Variants in ROBO1 observed in about 807,000 individuals in gnomAD.
ROBO1 encodes the protein roundabout guidance receptor 1.
In ROBO1, 149 loss-of-function variants were observed where a neutral mutation model predicts 195.9. The observed-to-expected ratio is 0.76, with a 90% CI of 0.67 to 0.87. The LOEUF is 0.87. ROBO1 is among the 40% of genes least tolerant of loss of function. The pLI is 0.00. For missense variants in ROBO1, 1,933 were observed against 2,068.3 expected (o/e 0.93, Z 1.27); for synonymous variants, 816 against 733.2 (o/e 1.11, Z -1.82).
intron 2 of ROBO1, among the ~76,000 whole-genome samples, chr3:79,162,025 C>A (rs987893757): frequency 2.6e-5 from 4 of 152,130 alleles, no homozygotes; most frequent in South Asian, 4.1e-4. Context: ...TGAGTAATTT[C>A]TTTCCTTCCT....
At chr3:79,487,243 G>A (rs1163349072) in intron 2 of ROBO1, among the ~76,000 whole-genome samples, 5 of 58,586 alleles carry the variant, frequency 8.5e-5, no homozygotes, top group Admixed American at 1.7e-4. Context: ...TTGTTATAGA[G>A]GTCCCACCTG....
intron 4 of ROBO1, among the ~76,000 whole-genome samples, chr3:78,918,544 C>T (rs1218271884): frequency 6.6e-6 from 1 of 152,130 alleles, no homozygotes; most frequent in Non-Finnish European, 1.5e-5. Context: ...TTACAGCAAT[C>T]TTTCCTAACT....
chr3:78,877,330 T>G (rs544874561), intron 4 of ROBO1, among the ~76,000 whole-genome samples: 1 of 151,934 alleles, frequency 6.6e-6, no homozygotes, highest in Admixed American at 6.6e-5. Flanking sequence ...AACATTTCCA[T>G]GTGAAAGAGA....
At chr3:79,422,964 A>G (rs1217687782) in intron 2 of ROBO1, among the ~76,000 whole-genome samples, 1 of 147,036 alleles carries the variant, frequency 6.8e-6, no homozygotes, top group Admixed American at 7.0e-5. Flanking sequence ...ATACAACCTT[A>G]TTTAGTATAT....
rs546544870 is a variant in ROBO1, at chr3:79,641,318, C to G, written c.-50-51357G>C. On this transcript the variant is annotated intron_variant, in intron 1 of 30. Transcript: ENST00000464233. ...TATCACTTTCATTATTAAATCATTG[C>G]TGATCAACCTTCCCTACACAACTCT... Among the ~76,000 whole-genome samples, 14 of 151,458 alleles carry G rather than the reference C, an allele frequency of 9.2e-5. No individual in the cohort carries two copies. In the South Asian group the frequency reaches 2.7e-3, roughly 30 times the overall value.
chr3:79,663,367 A>T (rs773162612), intron 1 of ROBO1, among the ~76,000 whole-genome samples: 19 of 152,076 alleles, frequency 1.2e-4, no homozygotes, highest in African/African-American at 4.1e-4. Flanking sequence ...ATTCTTTATT[A>T]ATATCAACAT....
chr3:79,539,368 C>A (rs1174611554), intron 2 of ROBO1, among the ~76,000 whole-genome samples: 1 of 152,058 alleles, frequency 6.6e-6, no homozygotes, highest in African/African-American at 2.4e-5. Flanking sequence ...CATGGAAGCA[C>A]ACACGTAAGT....
intron 2 of ROBO1, among the ~76,000 whole-genome samples, chr3:79,168,675 A>G (rs2081112859): frequency 6.6e-6 from 1 of 152,108 alleles, no homozygotes; most frequent in African/African-American, 2.4e-5. Flanking sequence ...AGTCACTTCA[A>G]CGTTTCCATT....
At chr3:79,262,984 TAG>T (rs1401961615) in intron 2 of ROBO1, among the ~76,000 whole-genome samples, 2 of 152,082 alleles carry the variant, frequency 1.3e-5, no homozygotes, top group Non-Finnish European at 2.9e-5. Context: ...TAGAAAAGAT[TAG>T]AGAGTTTTAG....
intron 8 of ROBO1, among the ~76,000 whole-genome samples, chr3:78,693,939 AT>A (rs1171564743): frequency 6.6e-6 from 1 of 152,088 alleles, no homozygotes; most frequent in Non-Finnish European, 1.5e-5. Flanking sequence ...GTGACTGGAG[AT>A]TTTGCATTTT....
At chr3:78,612,892 T>A (rs1169361801) in intron 28 of ROBO1, among the ~76,000 whole-genome samples, 3 of 152,186 alleles carry the variant, frequency 2.0e-5, no homozygotes, top group African/African-American at 7.2e-5. Flanking sequence ...TCAGATTAAC[T>A]TTTGGCTTCA....
At chr3:79,256,265 G>A (rs185159792) in intron 2 of ROBO1, among the ~76,000 whole-genome samples, 48 of 152,108 alleles carry the variant, frequency 3.2e-4, no homozygotes, top group African/African-American at 1.1e-3. Context: ...GTTCTAATTC[G>A]GAAGAATCAC....
intron 1 of ROBO1, among the ~76,000 whole-genome samples, chr3:79,703,741 T>C (rs1280456360): frequency 6.6e-6 from 1 of 151,968 alleles, no homozygotes; most frequent in African/African-American, 2.4e-5. Flanking sequence ...CAAAACAGTA[T>C]AGGGAAACTT....
chr3:79,199,689 A>G (rs1358732167), intron 2 of ROBO1, among the ~76,000 whole-genome samples: 2 of 151,708 alleles, frequency 1.3e-5, no homozygotes, highest in African/African-American at 2.4e-5. Context: ...ACATATTTTT[A>G]GAATGTTACT....
At chr3:78,905,010 AATAAAGTC>A (rs1390721808) in intron 4 of ROBO1, among the ~76,000 whole-genome samples, 1 of 131,688 alleles carries the variant, frequency 7.6e-6, no homozygotes, top group Non-Finnish European at 1.6e-5. Context: ...TAACACCAAT[AATAAAGTC>A]ATATTTATTA....
chr3:79,568,920 TA>T (rs1943180004), intron 2 of ROBO1, among the ~76,000 whole-genome samples: 1 of 152,238 alleles, frequency 6.6e-6, no homozygotes, highest in East Asian at 1.9e-4. Flanking sequence ...ATAATTTTGT[TA>T]CATTTTTATT....
chr3:78,638,330 C>A (rs1705686043), intron 22 of ROBO1, among the ~76,000 whole-genome samples: 1 of 150,292 alleles, frequency 6.7e-6, no homozygotes, highest in East Asian at 2.0e-4. Flanking sequence ...TATATACACA[C>A]ACACTTAATA....
At chr3:78,720,950 T>TG (rs1218794618) in intron 5 of ROBO1, among the ~76,000 whole-genome samples, 2,349 of 127,484 alleles carry the variant, frequency 0.018, 46 homozygotes, top group African/African-American at 0.055. Flanking sequence ...GTTGTGGGGT[T>TG]GGGGGGGGGG....
intron 2 of ROBO1, among the ~76,000 whole-genome samples, chr3:79,352,554 A>G (rs1018388602): frequency 1.3e-5 from 2 of 152,188 alleles, no homozygotes; most frequent in African/African-American, 4.8e-5. Context: ...GTGAAATTTA[A>G]TCACACGTAG....
Sources: allele counts gnomAD v4.1 joint callset (sites outside exome capture counted in the v4.1 genomes callset), GRCh38; gene constraint gnomAD v4.1.1; transcripts MANE v1.5; gene names NCBI Gene and HGNC (gene_info 2026-07-23, HGNC 2026-07-21).